The following GJA9 variants were observed in gnomAD, a reference collection of about 807,000 sequenced individuals.
GJA9 encodes gap junction alpha-9 protein.
In GJA9, 1 loss-of-function variant was observed where a neutral mutation model predicts 0.4. The ratio of observed to expected loss-of-function variants is 2.50; its 90% CI spans 0.89 to 11.88. The LOEUF is 11.88. Ranked by LOEUF, GJA9 falls within the 30% of genes most tolerant of loss-of-function variation. The pLI, the probability that GJA9 is intolerant of heterozygous loss-of-function variation, is 0.12. For missense variants in GJA9, 550 were observed against 602.8 expected, an observed-to-expected ratio of 0.91 and a Z score of 0.92; for synonymous variants, 190 against 219.1, an observed-to-expected ratio of 0.87 and a Z score of 1.17.
rs367584856 is a variant in GJA9 at position 38,874,992 on chromosome 1, T to C, written c.1107A>G (p.Glu369=). 128 of 1,614,120 alleles carry C rather than the reference T, an allele frequency of 7.9e-5. No individual in the cohort carries two copies. Among genetic ancestry groups the C allele is most frequent in the Admixed American group, 1.2e-4 (7 of 60,008 alleles). The change falls in exon 2 of 2, where the codon GAA becomes GAG. Residue 369 remains glutamate, a synonymous_variant. Coordinates refer to ENST00000357771, the MANE Select transcript of GJA9 (RefSeq NM_030772.5). The part of the protein sequence containing the change: ...GKELNGNQLM[E]KRETEGKDSK... ...TGTCTTTGCCTTCAGTTTCTCTTTT[T>C]TCCATTAACTGGTTACCATTAAGTT...
chr1:38,879,073 G>C (rs1367399943), intron 1 of GJA9, among the ~76,000 whole-genome samples: 3 of 152,102 alleles, frequency 2.0e-5, no homozygotes, highest in Non-Finnish European at 2.9e-5. Flanking sequence ...ACTTGCAATA[G>C]ATTGTTCACT....
Position 38,875,191 on chromosome 1 carries a change from G to T in GJA9, c.908C>A (p.Ser303Tyr), listed in dbSNP as rs759502314. The T allele has an allele frequency of 2.5e-6, 4 of 1,614,128 alleles. No individual in the cohort carries two copies. In the South Asian group the frequency reaches 4.4e-5, roughly 18 times the overall value. The change falls in exon 2 of 2, where the codon TCT (serine) becomes TAT (tyrosine). Residue 303 changes from serine to tyrosine, a missense_variant. Transcript: ENST00000357771. ...HTAVYPSLNS[S>Y]SVFQPNPDNH... ...GTCAGGATTTGGCTGGAATACAGAA[G>T]ATGAATTTAAACTAGGGTACACTGC...
chr1:38,881,218 TAAA>T (rs1210083549), intron 1 of GJA9, among the ~76,000 whole-genome samples: 1 of 152,078 alleles, frequency 6.6e-6, no homozygotes, highest in Non-Finnish European at 1.5e-5. Flanking sequence ...TTTATAATCA[TAAA>T]AAGAAAGAAA....
rs1462490442 is a variant in GJA9 at position 38,874,985 on chromosome 1, C to T, written c.1114G>A (p.Glu372Lys). The change falls in exon 2 of 2, where the codon GAA (glutamate) becomes AAA (lysine). Residue 372 changes from glutamate to lysine, a missense_variant. By Grantham distance (56) the Glu-to-Lys change is moderately conservative (BLOSUM62 1). Coordinates refer to ENST00000357771, the MANE Select transcript of GJA9 (RefSeq NM_030772.5). ...LNGNQLMEKRETEGKDSKRNY... is the reference protein window; with the variant it reads ...LNGNQLMEKRKTEGKDSKRNY... ...CTTTTGCTGTCTTTGCCTTCAGTTT[C>T]TCTTTTTTCCATTAACTGGTTACCA... The T allele has an allele frequency of 6.2e-7, 1 of 1,614,182 alleles. No homozygotes were observed.
In GJA9 at chr1:38,874,627, A is replaced by G. The variant is rs372769729; in HGVS notation, c.1472T>C (p.Val491Ala). 3.1e-6 allele frequency: 5 copies of G among 1,614,084 alleles called. No homozygotes were observed. The African/African-American group carries it at 6.7e-5, about 22-fold the overall frequency. ...GGACACTACGTGATTTGGAGGACAAACAGGATTATTACAGGTTCTGACCAA... is the reference window on the plus strand; with the variant it reads ...GGACACTACGTGATTTGGAGGACAAGCAGGATTATTACAGGTTCTGACCAA... ...PGLVRTCNNP[V>A]CPPNHVVSLT... Residue 491 changes from valine (V) to alanine (A), a missense_variant, in exon 2 of 2, where the codon GTT becomes GCT. Val to Ala is a moderately conservative substitution (Grantham distance 64). Coordinates refer to ENST00000357771, the MANE Select transcript of GJA9 (RefSeq NM_030772.5).
At chr1:38,877,862 T>TATGCCAA (rs1316210067) in intron 1 of GJA9, among the ~76,000 whole-genome samples, 1 of 152,150 alleles carries the variant, frequency 6.6e-6, no homozygotes, top group Non-Finnish European at 1.5e-5. Context: ...CATTTGATAA[T>TATGCCAA]TCAGTAAGAT....
intron 1 of GJA9, among the ~76,000 whole-genome samples, chr1:38,880,418 AT>A (rs1642675046): frequency 2.5e-3 from 117 of 46,536 alleles, no homozygotes; most frequent in Non-Finnish European, 4.1e-3. Flanking sequence ...AAAATAAATA[AT>A]AATAATAATA....
chr1:38,874,397 G>T lies in GJA9; in HGVS notation c.*154C>A. The T allele has an allele frequency of 1.8e-6, 1 of 570,748 alleles. No individual in the cohort carries two copies. Among genetic ancestry groups the T allele is most frequent in the South Asian group, 2.5e-5 (1 of 39,670 alleles). 35.4% of individuals were successfully genotyped at this position (570,748 alleles called of 1,614,324 possible). ...TTTAGAAGTGTTGCTTCACAATCTCGAATTAGAGCTGTTTTTCTCTTGCTT... is the reference window on the plus strand; with the variant it reads ...TTTAGAAGTGTTGCTTCACAATCTCTAATTAGAGCTGTTTTTCTCTTGCTT... On this transcript the variant is annotated 3_prime_UTR_variant, in exon 2 of 2. Coordinates refer to ENST00000357771, the MANE Select transcript of GJA9 (RefSeq NM_030772.5).
At chr1:38,876,246 T>C (rs1242243332) in intron 1 of GJA9, 53 bp from the exon 2 acceptor site, 1 of 669,678 alleles carries the variant, frequency 1.5e-6, no homozygotes, top group Non-Finnish European at 2.6e-6. Flanking sequence ...TGCTTTACTT[T>C]TTCCCTAGAT....
chr1:38,878,011 C>T (rs2124279793), intron 1 of GJA9, among the ~76,000 whole-genome samples: 1 of 152,138 alleles, frequency 6.6e-6, no homozygotes, highest in African/African-American at 2.4e-5. Flanking sequence ...AGAAATTCAT[C>T]TCAGTAATAT....
chr1:38,880,419 T>TAAAAAAAAA, intron 1 of GJA9, among the ~76,000 whole-genome samples: 1 of 36,552 alleles, frequency 2.7e-5, no homozygotes, highest in South Asian at 8.3e-4. Flanking sequence ...AAATAAATAA[T>TAAAAAAAAA]AATAATAATA....
chr1:38,875,518 C>T lies in GJA9; in HGVS notation c.581G>A (p.Cys194Tyr), dbSNP rs766963072. 6.2e-7 allele frequency: 1 copy of T among 1,614,148 alleles called. No homozygotes were observed. Among genetic ancestry groups the T allele is most frequent in the Non-Finnish European group, 8.5e-7 (1 of 1,179,998 alleles). ...EPLFKCHGHPCPNIIDCFVSR... is the reference protein window; with the variant it reads ...EPLFKCHGHPYPNIIDCFVSR... ...GACAAAACAGTCGATTATATTTGGACACGGGTGGCCATGGCACTTAAATAG... is the reference window on the plus strand; with the variant it reads ...GACAAAACAGTCGATTATATTTGGATACGGGTGGCCATGGCACTTAAATAG... The change falls in exon 2 of 2, where the codon TGT becomes TAT. Residue 194 changes from cysteine to tyrosine, a missense_variant. Cys to Tyr is a radical substitution (Grantham distance 194). Transcript: ENST00000357771.
intron 1 of GJA9, among the ~76,000 whole-genome samples, chr1:38,880,414 AAT>A (rs1391155153): frequency 8.1e-5 from 2 of 24,796 alleles, no homozygotes; most frequent in Admixed American, 3.3e-4. Context: ...AAAAAAAATA[AAT>A]AATAATAATA....
At position 38,874,613 on chromosome 1, in the gene GJA9, G is replaced by A. The variant is rs369010139; in HGVS notation, c.1486C>T (p.His496Tyr). 47 of 1,614,078 alleles carry A rather than the reference G, an allele frequency of 2.9e-5. No individual in the cohort carries two copies. Among genetic ancestry groups the A allele is most frequent in the Non-Finnish European group, 3.6e-5 (43 of 1,180,044 alleles). ...AGATTGTTCGTTAGGGACACTACGT[G>A]ATTTGGAGGACAAACAGGATTATTA... is the stretch of plus-strand genomic sequence containing the variant. ...TCNNPVCPPN[H>Y]VVSLTNNLIG... Residue 496 changes from histidine to tyrosine, a missense_variant, in exon 2 of 2, where the codon CAC (histidine) becomes TAC (tyrosine). Physicochemically the swap from His to Tyr is moderately conservative, Grantham distance 83 (BLOSUM62 2). Transcript: ENST00000357771.
intron 1 of GJA9, 184 bp from the exon 2 acceptor site, chr1:38,876,377 G>A (rs769651674): frequency 7.5e-6 from 3 of 401,396 alleles, no homozygotes; most frequent in African/African-American, 2.1e-5. Flanking sequence ...AGACTCAAGC[G>A]ATCATCTCCC....
chr1:38,879,920 G>C (rs1642660793), intron 1 of GJA9, among the ~76,000 whole-genome samples: 1 of 151,382 alleles, frequency 6.6e-6, no homozygotes, highest in Non-Finnish European at 1.5e-5. Context: ...TAGTAGAGAC[G>C]GGGTTTCACC....
rs954931641 is a variant in GJA9, at chr1:38,875,523, G to A, written c.576C>T (p.His192=). Residue 192 remains histidine, a synonymous_variant, in exon 2 of 2, where the codon CAC becomes CAT. Coordinates refer to ENST00000357771, the MANE Select transcript of GJA9 (RefSeq NM_030772.5). The part of the protein sequence containing the change: ...HLEPLFKCHG[H]PCPNIIDCFV... ...AACAGTCGATTATATTTGGACACGG[G>A]TGGCCATGGCACTTAAATAGCGGCT... 15 of 1,614,062 alleles carry A rather than the reference G, an allele frequency of 9.3e-6. No homozygotes were observed. The highest frequency in any genetic ancestry group is 1.7e-5 in the Admixed American group (1 of 60,004).
At position 38,874,355 on chromosome 1, in the gene GJA9, A is replaced by G; in HGVS notation, c.*196T>C. On this transcript the variant is annotated 3_prime_UTR_variant, in exon 2 of 2. Coordinates refer to ENST00000357771, the MANE Select transcript of GJA9 (RefSeq NM_030772.5). The stretch of plus-strand genomic sequence containing the variant: ...AAAAAAAAAAAAATCCTGATTTGAC[A>G]ACTCTATGTCTTTGAATTTAGAAGT... The G allele has an allele frequency of 1.9e-6, 1 of 521,758 alleles. No homozygotes were observed. 32.3% of individuals were successfully genotyped at this position (521,758 alleles called of 1,614,324 possible).
Position 38,874,563 on chromosome 1 carries a change from A to G in GJA9, c.1536T>C (p.Asp512=), listed in dbSNP as rs766282773. 2.5e-6 allele frequency: 4 copies of G among 1,613,284 alleles called. No homozygotes were observed. In the Admixed American group the frequency reaches 5.0e-5, roughly 20 times the overall value. The stretch of plus-strand genomic sequence containing the variant: ...AGCCAACCGCTGTTTAGATCTGAAG[A>G]TCTGTGGGAACCCGCCTACCAATGA... The part of the protein sequence containing the change: ...NNLIGRRVPT[D]LQI Residue 512 remains aspartate (D), a synonymous_variant, in exon 2 of 2, where the codon GAT becomes GAC. Coordinates refer to ENST00000357771, the MANE Select transcript of GJA9 (RefSeq NM_030772.5).
Sources: allele counts gnomAD v4.1 joint callset (sites outside exome capture counted in the v4.1 genomes callset), GRCh38; gene constraint gnomAD v4.1.1; transcripts MANE v1.5; gene names NCBI Gene and HGNC (gene_info 2026-07-23, HGNC 2026-07-21).